Variants in TRPM3 observed in about 807,000 individuals in gnomAD.
TRPM3 encodes long transient receptor potential channel 3.
In TRPM3, 77 loss-of-function variants were observed where a neutral mutation model predicts 181.2. The ratio of observed to expected loss-of-function variants is 0.42; its 90% CI spans 0.35 to 0.51. The LOEUF (loss-of-function observed/expected upper bound fraction) is 0.51, where lower values mean the gene tolerates loss of function less well. Ranked by LOEUF, TRPM3 falls within the 20% of genes least tolerant of loss-of-function variation. The pLI, the probability that TRPM3 is intolerant of heterozygous loss-of-function variation, is 0.01. For missense variants in TRPM3, 1,759 were observed against 2,196.7 expected (o/e 0.80, Z 3.98); for synonymous variants, 745 against 796.4 (o/e 0.94, Z 1.09).
intron 1 of TRPM3, among the ~76,000 whole-genome samples, chr9:71,074,092 C>G (rs1350491007): frequency 6.6e-6 from 1 of 152,258 alleles, no homozygotes; most frequent in East Asian, 1.9e-4. Flanking sequence ...CTAGCGGAAC[C>G]ATGATTATTG....
At chr9:71,268,261 T>A (rs2083527183) in intron 1 of TRPM3, among the ~76,000 whole-genome samples, 2 of 151,844 alleles carry the variant, frequency 1.3e-5, no homozygotes, top group African/African-American at 4.8e-5. Flanking sequence ...ATGCCTGTAG[T>A]CCCAGCTACT....
chr9:70,844,545 T>C (rs1436192046), intron 4 of TRPM3, among the ~76,000 whole-genome samples: 1 of 152,224 alleles, frequency 6.6e-6, no homozygotes, highest in Non-Finnish European at 1.5e-5. Context: ...TTGTTTCCAA[T>C]ACAAAACTCC....
At chr9:71,343,149 C>G (rs1341490910) in intron 1 of TRPM3, among the ~76,000 whole-genome samples, 1 of 151,802 alleles carries the variant, frequency 6.6e-6, no homozygotes, top group South Asian at 2.1e-4. Flanking sequence ...ACCCATACTT[C>G]CTTTAGTATA....
At chr9:71,215,921 C>G (rs186018012) in intron 1 of TRPM3, among the ~76,000 whole-genome samples, 5 of 152,310 alleles carry the variant, frequency 3.3e-5, no homozygotes, top group African/African-American at 9.6e-5. Flanking sequence ...ATGGCAATGT[C>G]TGCCCCTGGT....
intron 8 of TRPM3, among the ~76,000 whole-genome samples, chr9:70,744,337 AAAAAGT>A (rs1283180370): frequency 1.7e-4 from 26 of 151,504 alleles, no homozygotes; most frequent in African/African-American, 5.3e-4. Flanking sequence ...CTCAAAAAAA[AAAAAGT>A]AAAAAGAAAA....
At chr9:71,061,131 T>C (rs1330374166) in intron 1 of TRPM3, among the ~76,000 whole-genome samples, 2 of 151,912 alleles carry the variant, frequency 1.3e-5, no homozygotes, top group Non-Finnish European at 2.9e-5. Context: ...GACTCTGAAA[T>C]AGAAAGCCAC....
At chr9:70,759,376 C>CTGT (rs2077675401) in intron 8 of TRPM3, among the ~76,000 whole-genome samples, 1 of 152,220 alleles carries the variant, frequency 6.6e-6, no homozygotes, top group African/African-American at 2.4e-5. Flanking sequence ...CACTTTTACA[C>CTGT]TGTTGGTGGG....
At chr9:70,858,897 G>A (rs6560165) in intron 3 of TRPM3, among the ~76,000 whole-genome samples, 52,807 of 152,050 alleles carry the variant, frequency 0.35, 9,533 homozygotes, top group African/African-American at 0.36. Context: ...GTGGTCCCTG[G>A]TCCTACCTCC....
intron 1 of TRPM3, among the ~76,000 whole-genome samples, chr9:71,044,938 T>C (rs2059260289): frequency 6.6e-6 from 1 of 152,192 alleles, no homozygotes; most frequent in Non-Finnish European, 1.5e-5. Context: ...CCCAAAGTGC[T>C]GGGATTACAA....
At chr9:70,954,759 G>T (rs935937307) in intron 1 of TRPM3, among the ~76,000 whole-genome samples, 1 of 152,194 alleles carries the variant, frequency 6.6e-6, no homozygotes, top group Admixed American at 6.5e-5. Context: ...GCACCAGCTT[G>T]TCTGCTGTCA....
At chr9:70,889,366 T>C (rs907183439) in intron 1 of TRPM3, among the ~76,000 whole-genome samples, 44 of 152,150 alleles carry the variant, frequency 2.9e-4, no homozygotes, top group Non-Finnish European at 1.3e-4. Context: ...GGCACCAGGA[T>C]GAAAGCAAAA....
At chr9:71,331,585 C>A (rs577938931) in intron 1 of TRPM3, among the ~76,000 whole-genome samples, 5 of 149,748 alleles carry the variant, frequency 3.3e-5, no homozygotes, top group Non-Finnish European at 7.4e-5. Context: ...TTTTACATTT[C>A]TTATCATTTA....
chr9:70,657,872 C>T (rs924393094), intron 9 of TRPM3, among the ~76,000 whole-genome samples: 3 of 151,992 alleles, frequency 2.0e-5, no homozygotes, highest in Non-Finnish European at 4.4e-5. Context: ...TCCTCAAGGC[C>T]CAGGGACTAT....
chr9:71,118,662 T>C (rs1199360326), intron 1 of TRPM3, among the ~76,000 whole-genome samples: 1 of 152,140 alleles, frequency 6.6e-6, no homozygotes, highest in East Asian at 1.9e-4. Flanking sequence ...ATTAGAACAA[T>C]GCTTGGAAGA....
At chr9:71,424,404 T>TG (rs1205037361) in intron 1 of TRPM3, among the ~76,000 whole-genome samples, 1 of 152,094 alleles carries the variant, frequency 6.6e-6, no homozygotes, top group African/African-American at 2.4e-5. Flanking sequence ...GCCAAGGCAG[T>TG]GTGCTAGGTG....
At chr9:71,239,438 G>A (rs1473968449) in intron 1 of TRPM3, among the ~76,000 whole-genome samples, 5 of 151,998 alleles carry the variant, frequency 3.3e-5, no homozygotes, top group African/African-American at 1.2e-4. Context: ...TAACTCTAAC[G>A]GGTGAAATTA....
At chr9:71,352,013 C>T (rs1362381079) in intron 1 of TRPM3, among the ~76,000 whole-genome samples, 2 of 151,560 alleles carry the variant, frequency 1.3e-5, no homozygotes, top group Non-Finnish European at 2.9e-5. Context: ...GTAGCTGGGA[C>T]TACAGGCACC....
intron 1 of TRPM3, among the ~76,000 whole-genome samples, chr9:71,047,980 G>A: frequency 6.6e-6 from 1 of 152,030 alleles, no homozygotes; most frequent in East Asian, 1.9e-4. Context: ...ATAATTATTT[G>A]TTCAATAAAC....
chr9:71,367,427 C>T (rs936360842), intron 1 of TRPM3, among the ~76,000 whole-genome samples: 6 of 152,176 alleles, frequency 3.9e-5, no homozygotes, highest in Non-Finnish European at 5.9e-5. Flanking sequence ...TTTGTTGGTT[C>T]ACCAAGTCTA....
Sources: allele counts gnomAD v4.1 joint callset (sites outside exome capture counted in the v4.1 genomes callset), GRCh38; gene constraint gnomAD v4.1.1; transcripts MANE v1.5; gene names NCBI Gene and HGNC (gene_info 2026-07-23, HGNC 2026-07-21).